Variants in TBC1D2 observed in about 807,000 individuals in gnomAD.
The protein encoded by TBC1D2 is TBC1 domain family member 2A.
TBC1D2 carries 58 observed loss-of-function variants against 91.1 expected under a neutral mutation model. The observed-to-expected ratio is 0.64, with a 90% confidence interval of 0.52 to 0.79. TBC1D2 has a LOEUF of 0.79. Ranked by LOEUF, TBC1D2 falls within the 30% of genes least tolerant of loss-of-function variation. The pLI, the probability that TBC1D2 is intolerant of heterozygous loss-of-function variation, is 0.00. For missense variants in TBC1D2, 1,080 were observed against 1,208.3 expected (o/e 0.89, Z 1.57); for synonymous variants, 482 against 511.5 (o/e 0.94, Z 0.78).
chr9:98,229,391 G>A (rs887802131), intron 4 of TBC1D2, among the ~76,000 whole-genome samples: 7 of 152,202 alleles, frequency 4.6e-5, no homozygotes, highest in African/African-American at 1.2e-4. Context: ...CTACATAAAC[G>A]TTATTGCACT....
chr9:98,251,849 C>T lies in TBC1D2; in HGVS notation c.447G>A (p.Pro149=), dbSNP rs551008209. ...CGGCATCAGGGGTGGCAGGAGGTGC[C>T]GGCGGGCTGTTGTGGAATTCCCAGC... ...MKRWEFHNSP[P]APPATPDAAL... The change falls in exon 2 of 13, where the codon CCG becomes CCA. Residue 149 remains proline (P), a synonymous_variant. Coordinates refer to ENST00000465784, the MANE Select transcript of TBC1D2 (RefSeq NM_001267571.2). 2.6e-5 allele frequency: 41 copies of T among 1,604,918 alleles called. No individual in the cohort carries two copies. The Admixed American group carries it at 3.3e-4, about 13-fold the overall frequency.
chr9:98,233,941 T>C (rs2119143444), intron 3 of TBC1D2, among the ~76,000 whole-genome samples: 1 of 152,336 alleles, frequency 6.6e-6, no homozygotes, highest in East Asian at 1.9e-4. Flanking sequence ...GAATGCTGAA[T>C]GGACTTGCTG....
chr9:98,240,166 G>GGTGTGTGT (rs60630078), intron 3 of TBC1D2, among the ~76,000 whole-genome samples: 26,648 of 137,774 alleles, frequency 0.19, 2,381 homozygotes, highest in Non-Finnish European at 0.21. Context: ...GTGTTTGTGT[G>GGTGTGTGT]GTGTGTGTGT....
intron 10 of TBC1D2, among the ~76,000 whole-genome samples, chr9:98,202,013 G>T (rs1367581015): frequency 6.6e-6 from 1 of 152,208 alleles, no homozygotes; most frequent in East Asian, 1.9e-4. Flanking sequence ...GCAGTTCAGA[G>T]ACACTGGTCT....
intron 2 of TBC1D2, among the ~76,000 whole-genome samples, 187 bp from the exon 3 acceptor site, chr9:98,244,316 G>A (rs1440119707): frequency 6.6e-6 from 1 of 152,216 alleles, no homozygotes; most frequent in Non-Finnish European, 1.5e-5. Flanking sequence ...TCTGCAGCCA[G>A]TAAAATGATG....
chr9:98,252,904 C>T (rs1281934868), intron 1 of TBC1D2, among the ~76,000 whole-genome samples: 1 of 152,112 alleles, frequency 6.6e-6, no homozygotes, highest in African/African-American at 2.4e-5. Flanking sequence ...CTGGTGTGCA[C>T]TATGCAGGGG....
intron 6 of TBC1D2, among the ~76,000 whole-genome samples, chr9:98,218,230 G>GA (rs754657218): frequency 1.3e-5 from 2 of 151,970 alleles, no homozygotes; most frequent in Non-Finnish European, 2.9e-5. Flanking sequence ...TGGTTAATGT[G>GA]AATCACATAC....
intron 9 of TBC1D2, among the ~76,000 whole-genome samples, chr9:98,208,365 A>C (rs1828710771): frequency 6.6e-6 from 1 of 152,020 alleles, no homozygotes; most frequent in Non-Finnish European, 1.5e-5. Context: ...GGGGTAGGGG[A>C]GGGGTGGCTT....
At chr9:98,240,166 G>GTGTGTGT in intron 3 of TBC1D2, among the ~76,000 whole-genome samples, 1 of 137,856 alleles carries the variant, frequency 7.3e-6, no homozygotes, top group Non-Finnish European at 1.7e-5. Flanking sequence ...GTGTTTGTGT[G>GTGTGTGT]GTGTGTGTGT....
At chr9:98,231,617 A>T (rs1236164310) in intron 4 of TBC1D2, among the ~76,000 whole-genome samples, 1 of 152,176 alleles carries the variant, frequency 6.6e-6, no homozygotes, top group Non-Finnish European at 1.5e-5. Context: ...AAGTATATTA[A>T]ATGCATTTTC....
intron 3 of TBC1D2, among the ~76,000 whole-genome samples, chr9:98,243,463 G>A (rs190902828): frequency 2.3e-4 from 35 of 151,892 alleles, no homozygotes; most frequent in Admixed American, 1.4e-3. Context: ...CGTCCAGTGG[G>A]TAATTTTTTA....
rs756153569 is a variant in TBC1D2 at position 98,209,990 on chromosome 9, CTTTT to C, written c.1673+662_1673+665del. 1.4e-3 allele frequency among the ~76,000 whole-genome samples: 191 copies of C among 140,654 alleles called. 14 individuals are homozygous for C. The highest frequency in any genetic ancestry group is 6.8e-4 in the South Asian group (3 of 4,444). The allele number at this position is 140,654 out of a possible 152,430, so 92.3% of individuals were successfully genotyped here. A position where few individuals can be genotyped will look rare whatever the true frequency, so the allele number is the denominator to read the frequency against. ...ACTACAGGCGTGCACCACCACTCTT[CTTTT>C]TTTTTTTTTTTTGTAGAGACAGGAT... On this transcript the variant is annotated intron_variant, in intron 8 of 12. Coordinates refer to ENST00000465784, the MANE Select transcript of TBC1D2 (RefSeq NM_001267571.2).
chr9:98,217,231 A>G (rs1311121568), intron 6 of TBC1D2, among the ~76,000 whole-genome samples: 1 of 152,222 alleles, frequency 6.6e-6, no homozygotes, highest in East Asian at 1.9e-4. Context: ...CTCAGAAAAG[A>G]GAAAAGCCAC....
intron 4 of TBC1D2, among the ~76,000 whole-genome samples, chr9:98,232,708 TC>T (rs1265850909): frequency 6.6e-6 from 1 of 152,196 alleles, no homozygotes. Context: ...TCACCAAGCT[TC>T]CCCTGATGGT....
chr9:98,203,598 C>A (rs1377276852), intron 9 of TBC1D2, among the ~76,000 whole-genome samples, 190 bp from the exon 10 acceptor site: 2 of 152,166 alleles, frequency 1.3e-5, no homozygotes, highest in Non-Finnish European at 2.9e-5. Context: ...GGGAGGATGA[C>A]CGGCGATTTC....
chr9:98,243,953 G>C, intron 3 of TBC1D2, 41 bp downstream of exon 3: 1 of 1,578,456 alleles, frequency 6.3e-7, no homozygotes. Context: ...TGAAGGGGCT[G>C]CCTGCAGCTT....
chr9:98,251,441 G>A (rs1829871926), intron 2 of TBC1D2, among the ~76,000 whole-genome samples: 1 of 152,234 alleles, frequency 6.6e-6, no homozygotes, highest in South Asian at 2.1e-4. Context: ...CACAAGTATT[G>A]GGTTCTGACC....
chr9:98,248,264 C>G (rs978797815), intron 2 of TBC1D2, among the ~76,000 whole-genome samples: 1 of 152,332 alleles, frequency 6.6e-6, no homozygotes, highest in South Asian at 2.1e-4. Context: ...AAGGCACGGG[C>G]GGCACAGGAT....
intron 5 of TBC1D2, among the ~76,000 whole-genome samples, chr9:98,224,416 G>A (rs1027816415): frequency 3.3e-5 from 5 of 151,134 alleles, no homozygotes; most frequent in Admixed American, 1.3e-4. Context: ...CCTTGTAGCT[G>A]GGACTACAGG....
Sources: gnomAD v4.1 joint callset for allele counts (sites outside exome capture counted in the v4.1 genomes callset) on GRCh38, gnomAD v4.1.1 for gene constraint, MANE v1.5 for transcripts, NCBI Gene and HGNC (gene_info 2026-07-23, HGNC 2026-07-21) for gene names.